The following NR2C2 variants were observed in gnomAD, a reference collection of about 807,000 sequenced individuals.
NR2C2 encodes the protein nuclear receptor subfamily 2 group C member 2.
In NR2C2, 6 loss-of-function variants were observed where a neutral mutation model predicts 62.9. The ratio of observed to expected loss-of-function variants is 0.10; its 90% CI spans 0.05 to 0.19. The LOEUF (loss-of-function observed/expected upper bound fraction) is 0.19, where lower values mean the gene tolerates loss of function less well. NR2C2 is among the 10% of genes least tolerant of loss of function. The probability of loss-of-function intolerance (pLI) is 1.00; values close to 1 mark genes in which losing one functional copy is unlikely to be tolerated. For synonymous variants in NR2C2, 272 were observed against 273.8 expected (o/e 0.99, Z 0.07); for missense variants, 479 against 762.7 (o/e 0.63, Z 4.38).
At chr3:15,022,399 T>TTTTTTTTTTTTTTTTTTTTTTG (rs2041696330) in intron 5 of NR2C2, among the ~76,000 whole-genome samples, 1 of 11,156 alleles carries the variant, frequency 9.0e-5, no homozygotes, top group African/African-American at 1.3e-4. Context: ...TTTTTCTTTC[T>TTTTTTTTTTTTTTTTTTTTTTG]TTTTTTTTTT....
At chr3:15,000,717 G>A (rs1310962075) in intron 1 of NR2C2, among the ~76,000 whole-genome samples, 1 of 151,716 alleles carries the variant, frequency 6.6e-6, no homozygotes, top group Non-Finnish European at 1.5e-5. Context: ...AAAAGCACCT[G>A]AAATTTTGAT....
At chr3:15,004,443 T>C in intron 2 of NR2C2, 1 of 1,057,388 alleles carries the variant, frequency 9.5e-7, no homozygotes, top group South Asian at 2.2e-5. Flanking sequence ...ATAAAGTGCT[T>C]AGAATGGTAC....
rs556939399 is a variant in NR2C2, at chr3:15,044,854, T to C, written c.*1846T>C. On this transcript the variant is annotated 3_prime_UTR_variant, in exon 14 of 14. Coordinates refer to ENST00000425241, the MANE Select transcript of NR2C2 (RefSeq NM_001291694.2). ...TGATCCTGAAGGGTTAGCAGCACTT[T>C]ACGCAAGTCAGTGTTAGTAGGGTAA... 42 of 152,376 alleles carry C rather than the reference T, an allele frequency of 2.8e-4. 1 individual carries two copies. Among genetic ancestry groups the C allele is most frequent in the Admixed American group, 2.0e-3 (30 of 15,310 alleles). 9.4% of individuals were successfully genotyped at this position (152,376 alleles called of 1,614,324 possible).
intron 13 of NR2C2, among the ~76,000 whole-genome samples, chr3:15,042,246 T>C (rs916019673): frequency 1.3e-5 from 2 of 152,100 alleles, no homozygotes; most frequent in Admixed American, 1.3e-4. Context: ...TTCTTCAAAA[T>C]GAAAGCTATT....
chr3:14,952,400 C>T (rs1426353466), intron 1 of NR2C2, among the ~76,000 whole-genome samples: 1 of 152,172 alleles, frequency 6.6e-6, no homozygotes, highest in East Asian at 1.9e-4. Flanking sequence ...GTTCTCTTAC[C>T]TATAAGCCAT....
At chr3:15,036,703 G>C (rs1163466037) in intron 11 of NR2C2, among the ~76,000 whole-genome samples, 3 of 152,144 alleles carry the variant, frequency 2.0e-5, no homozygotes, top group African/African-American at 7.2e-5. Flanking sequence ...TGCTGCCTAG[G>C]CTTGGAATTT....
chr3:14,992,304 G>A (rs1332135236), intron 1 of NR2C2, among the ~76,000 whole-genome samples: 3 of 152,020 alleles, frequency 2.0e-5, no homozygotes, highest in Non-Finnish European at 4.4e-5. Flanking sequence ...CCCTGTGTCG[G>A]TGGAAGCCAG....
intron 1 of NR2C2, among the ~76,000 whole-genome samples, chr3:14,971,231 C>A (rs2040028522): frequency 6.6e-6 from 1 of 151,566 alleles, no homozygotes; most frequent in Non-Finnish European, 1.5e-5. Context: ...AGTTCTCCTG[C>A]CTCAGCCTCC....
In NR2C2 at chr3:15,013,686, A is replaced by G; in HGVS notation, c.170A>G (p.Asp57Gly). The G allele has an allele frequency of 6.2e-7, 1 of 1,614,150 alleles. No individual in the cohort carries two copies. Among genetic ancestry groups the G allele is most frequent in the Non-Finnish European group, 8.5e-7 (1 of 1,179,978 alleles). The change falls in exon 3 of 14, where the codon GAT (aspartate) becomes GGT (glycine). Residue 57 changes from aspartate to glycine, a missense_variant. By Grantham distance (94) the Asp-to-Gly change is moderately conservative. Transcript: ENST00000425241. ...PKQQFILTSPDGAGTGKVILA... is the reference protein window; with the variant it reads ...PKQQFILTSPGGAGTGKVILA... ...CAGCAGTTCATCCTGACCAGCCCAG[A>G]TGGAGCTGGAACTGGGAAGGTGATC...
chr3:15,042,754 C>T (rs979735457), intron 13 of NR2C2, 80 bp from the exon 14 acceptor site: 35 of 1,330,988 alleles, frequency 2.6e-5, no homozygotes, highest in South Asian at 8.0e-5. Context: ...GCAATACAGA[C>T]GGGACCCCAG....
At chr3:14,989,603 C>T (rs756492282) in intron 1 of NR2C2, among the ~76,000 whole-genome samples, 4 of 151,944 alleles carry the variant, frequency 2.6e-5, no homozygotes, top group Non-Finnish European at 4.4e-5. Context: ...GTCTGGGCAA[C>T]ATAGTAAGAC....
intron 1 of NR2C2, among the ~76,000 whole-genome samples, chr3:14,988,727 T>TC (rs1489914464): frequency 1.3e-5 from 2 of 152,172 alleles, no homozygotes; most frequent in Non-Finnish European, 2.9e-5. Flanking sequence ...CTCTTTTTTT[T>TC]CCCCTCTTGA....
Position 15,044,743 on chromosome 3 carries a change from T to A in NR2C2, c.*1735T>A, listed in dbSNP as rs1055318028. On this transcript the variant is annotated 3_prime_UTR_variant, in exon 14 of 14. Coordinates refer to ENST00000425241, the MANE Select transcript of NR2C2 (RefSeq NM_001291694.2). ...TGGCGCCACATGTGCTCCACAGGGG[T>A]GCAGTCTGGCCAGCTACAGACGCCC... is the stretch of plus-strand genomic sequence containing the variant. 3.3e-5 allele frequency: 5 copies of A among 152,192 alleles called. No individual in the cohort carries two copies. The highest frequency in any genetic ancestry group is 6.5e-5 in the Admixed American group (1 of 15,280). The allele number at this position is 152,192 out of a possible 1,614,324, so 9.4% of individuals were successfully genotyped here. A position where few individuals can be genotyped will look rare whatever the true frequency, so the allele number is the denominator to read the frequency against.
At position 14,962,829 on chromosome 3, in the gene NR2C2, T is replaced by C. The variant is rs146322211; in HGVS notation, c.-40+14923T>C. Among the ~76,000 whole-genome samples the C allele has an allele frequency of 7.6e-4, 116 of 152,270 alleles. 1 individual carries two copies. The East Asian group carries it at 0.016, about 21-fold the overall frequency. On this transcript the variant is annotated intron_variant, in intron 1 of 13. Coordinates refer to ENST00000425241, the MANE Select transcript of NR2C2 (RefSeq NM_001291694.2). Reference sequence around the variant, plus strand: ...TCGTACGCTTGATTCTTCGTTAATATTATGGAATAGTAGAAGACGTGATTA... The same window carrying C: ...TCGTACGCTTGATTCTTCGTTAATACTATGGAATAGTAGAAGACGTGATTA...
chr3:15,042,805 T>C (rs2125105233), intron 13 of NR2C2, 29 bp from the exon 14 acceptor site: 2 of 1,604,984 alleles, frequency 1.2e-6, no homozygotes, highest in Non-Finnish European at 1.7e-6. Flanking sequence ...TCAAACAGTC[T>C]CCTTTTCTAA....
intron 2 of NR2C2, among the ~76,000 whole-genome samples, chr3:15,006,067 C>A (rs546539987): frequency 1.3e-5 from 2 of 151,994 alleles, no homozygotes; most frequent in East Asian, 3.9e-4. Context: ...ATTAGCCAGA[C>A]ATGGTGATGC....
At chr3:15,004,726 A>G (rs2041118944) in intron 2 of NR2C2, 9 of 1,266,738 alleles carry the variant, frequency 7.1e-6, no homozygotes, top group Non-Finnish European at 9.8e-6. Context: ...ATAACGGTTG[A>G]TTTCTCTGTT....
Position 15,023,142 on chromosome 3 carries a change from T to C in NR2C2, c.557-58T>C, listed in dbSNP as rs570221854. The C allele has an allele frequency of 2.5e-6, 4 of 1,587,184 alleles. No homozygotes were observed. The South Asian group carries it at 3.4e-5, about 13-fold the overall frequency. On this transcript the variant is annotated intron_variant, in intron 5 of 13. Transcript: ENST00000425241. Reference sequence around the variant, plus strand: ...GTAATGGATTTGGGGTTTTCCCTTGTGGTTTTTATTGATTGGAATTGTTTC... The same window carrying C: ...GTAATGGATTTGGGGTTTTCCCTTGCGGTTTTTATTGATTGGAATTGTTTC...
intron 1 of NR2C2, among the ~76,000 whole-genome samples, chr3:14,999,713 TC>T (rs2040935190): frequency 6.6e-6 from 1 of 152,124 alleles, no homozygotes; most frequent in South Asian, 2.1e-4. Flanking sequence ...CCAGATTTGT[TC>T]CCCTGCATTT....
Sources: allele counts gnomAD v4.1 joint callset (sites outside exome capture counted in the v4.1 genomes callset), GRCh38; gene constraint gnomAD v4.1.1; transcripts MANE v1.5; gene names NCBI Gene and HGNC (gene_info 2026-07-23, HGNC 2026-07-21).